The following KCNQ1 variants were observed in gnomAD, a reference collection of about 807,000 sequenced individuals.
KCNQ1 encodes potassium voltage-gated channel subfamily KQT member 1.
A neutral mutation model predicts 72.4 loss-of-function variants in KCNQ1; 49 were observed. The ratio of observed to expected loss-of-function variants is 0.68; its 90% CI spans 0.54 to 0.86. The LOEUF (loss-of-function observed/expected upper bound fraction) is 0.86, where lower values mean the gene tolerates loss of function less well. KCNQ1 is among the 40% of genes least tolerant of loss of function. KCNQ1 has a pLI of 0.00. For missense variants in KCNQ1, 790 were observed against 945.1 expected (o/e 0.84, Z 2.15); for synonymous variants, 450 against 412.6 (o/e 1.09, Z -1.10).
intron 1 of KCNQ1, among the ~76,000 whole-genome samples, chr11:2,518,120 A>G (rs1278372849): frequency 6.6e-6 from 1 of 152,158 alleles, no homozygotes; most frequent in Non-Finnish European, 1.5e-5. Flanking sequence ...CGTGCATCCC[A>G]CGCCTGGCAC....
rs991297114 is a variant in KCNQ1 at position 2,704,320 on chromosome 11, A to T, written c.1514+42239A>T. ...CCCTTCCAACTTGATGGTTTCAGGTACATGGGCCTGTTGTCAACTCTGTTC... is the reference window on the plus strand; with the variant it reads ...CCCTTCCAACTTGATGGTTTCAGGTTCATGGGCCTGTTGTCAACTCTGTTC... On this transcript the variant is annotated intron_variant, in intron 11 of 15. Coordinates refer to ENST00000155840, the MANE Select transcript of KCNQ1 (RefSeq NM_000218.3). The surrounding 1 kb of genome is among the most constrained non-coding windows in gnomAD (Gnocchi z 4.3). Among the ~76,000 whole-genome samples, 1 of 152,206 alleles carries T rather than the reference A, an allele frequency of 6.6e-6. No individual in the cohort carries two copies. The highest frequency in any genetic ancestry group is 6.5e-5 in the Admixed American group (1 of 15,290).
intron 11 of KCNQ1, chr11:2,699,318 C>T (rs919297362): frequency 2.4e-4 from 97 of 398,984 alleles, no homozygotes; most frequent in Non-Finnish European, 7.1e-5. Flanking sequence ...CCGCGGGGCA[C>T]ACAGCTCACC....
Position 2,767,559 on chromosome 11 carries a change from C to T in KCNQ1, c.1515-1285C>T, listed in dbSNP as rs1211641560. Reference sequence around the variant, plus strand: ...AATTGTAGATGCTCGAGGGTATTATCTCCCTACAGATAATTTTATTTTCTT... The same window carrying T: ...AATTGTAGATGCTCGAGGGTATTATTTCCCTACAGATAATTTTATTTTCTT... On this transcript the variant is annotated intron_variant, in intron 11 of 15. Transcript: ENST00000155840. The surrounding 1 kb of genome is among the most constrained non-coding windows in gnomAD (Gnocchi z 4.6). Among the ~76,000 whole-genome samples the T allele has an allele frequency of 6.6e-6, 1 of 152,160 alleles. No homozygotes were observed. The highest frequency in any genetic ancestry group is 1.5e-5 in the Non-Finnish European group (1 of 68,036).
rs1236445338 is a variant in KCNQ1, at chr11:2,803,791, C to A, written c.1794+25754C>A. Among the ~76,000 whole-genome samples the A allele has an allele frequency of 6.6e-6, 1 of 152,152 alleles. No homozygotes were observed. Among genetic ancestry groups the A allele is most frequent in the East Asian group, 1.9e-4 (1 of 5,182 alleles). On this transcript the variant is annotated intron_variant, in intron 15 of 15. Coordinates refer to ENST00000155840, the MANE Select transcript of KCNQ1 (RefSeq NM_000218.3). This position sits in a 1 kb window ranked among gnomAD's most constrained non-coding sequence, Gnocchi z 6.4. ...CCCCACTTCCCTCCTCCCCTCTCAT[C>A]CCCACCTCGGGCCCACCAGCTCCCA...
Position 2,668,456 on chromosome 11 carries a change from G to C in KCNQ1, c.1514+6375G>C, listed in dbSNP as rs1850123288. 7.5e-6 allele frequency: 3 copies of C among 398,416 alleles called. No individual in the cohort carries two copies. The Admixed American group carries it at 1.3e-4, about 18-fold the overall frequency. 24.7% of individuals were successfully genotyped at this position (398,416 alleles called of 1,614,324 possible). On this transcript the variant is annotated intron_variant, in intron 11 of 15. Coordinates refer to ENST00000155840, the MANE Select transcript of KCNQ1 (RefSeq NM_000218.3). This position sits in a 1 kb window ranked among gnomAD's most constrained non-coding sequence, Gnocchi z 4.3. ...CTGGCTGCTCCACATCCTAACACTT[G>C]GCATTTTCCGTCGTTTCCTTTTCAG...
In KCNQ1 at chr11:2,482,946, T is replaced by C. The variant is rs1846676045; in HGVS notation, c.386+37462T>C. Among the ~76,000 whole-genome samples the C allele has an allele frequency of 6.6e-6, 1 of 152,066 alleles. No homozygotes were observed. On this transcript the variant is annotated intron_variant, in intron 1 of 15. Coordinates refer to ENST00000155840, the MANE Select transcript of KCNQ1 (RefSeq NM_000218.3). The surrounding 1 kb of genome is among the most constrained non-coding windows in gnomAD (Gnocchi z 5.7). ...GTCATGGACCGGCATGGCGTGGTAA[T>C]GCATGGTGCGTGTCTCTTAGCAGTA...
chr11:2,779,999 C>T (rs1419849114), intron 15 of KCNQ1, among the ~76,000 whole-genome samples: 5 of 152,358 alleles, frequency 3.3e-5, no homozygotes, highest in South Asian at 2.1e-4. Flanking sequence ...GCCGGGGCCA[C>T]GAGGATTCTG....
chr11:2,619,211 T>G (rs866037775), intron 10 of KCNQ1: 1 of 398,454 alleles, frequency 2.5e-6, no homozygotes, highest in Non-Finnish European at 4.4e-6. Flanking sequence ...TCCAGTACTA[T>G]GTTGAGTAGT....
rs1273748384 is a variant in KCNQ1, at chr11:2,720,136, A to G, written c.1515-48708A>G. The stretch of plus-strand genomic sequence containing the variant: ...GGGGTTCAGTTCCCAAACCCACTGG[A>G]GGGTTGCAAGGAGACGCTTCTAGTA... On this transcript the variant is annotated intron_variant, in intron 11 of 15. Transcript: ENST00000155840. The surrounding 1 kb of genome is among the most constrained non-coding windows in gnomAD (Gnocchi z 5.1). 6.6e-6 allele frequency among the ~76,000 whole-genome samples: 1 copy of G among 152,176 alleles called. No homozygotes were observed. The highest frequency in any genetic ancestry group is 1.5e-5 in the Non-Finnish European group (1 of 68,028).
Position 2,514,683 on chromosome 11 carries a change from C to T in KCNQ1, c.387-13245C>T, listed in dbSNP as rs564875432. 1.7e-4 allele frequency among the ~76,000 whole-genome samples: 26 copies of T among 152,222 alleles called. 1 individual carries two copies. In the East Asian group the frequency reaches 2.7e-3, roughly 16 times the overall value. ...CTACTAAAAATACAAAAAATTAGCC[C>T]GGCGTGGTGGCGGGCGCCTGTAGTC... On this transcript the variant is annotated intron_variant, in intron 1 of 15. Coordinates refer to ENST00000155840, the MANE Select transcript of KCNQ1 (RefSeq NM_000218.3).
At chr11:2,700,232 T>G (rs1342713230) in intron 11 of KCNQ1, among the ~76,000 whole-genome samples, 1 of 151,830 alleles carries the variant, frequency 6.6e-6, no homozygotes, top group Non-Finnish European at 1.5e-5. Flanking sequence ...TGGCTGGGTG[T>G]GAGGTGGCGC....
Position 2,565,804 on chromosome 11 carries a change from T to C in KCNQ1, c.478-4824T>C, listed in dbSNP as rs1848239001. 6.6e-6 allele frequency among the ~76,000 whole-genome samples: 1 copy of C among 152,232 alleles called. No homozygotes were observed. The highest frequency in any genetic ancestry group is 2.4e-5 in the African/African-American group (1 of 41,472). ...GTCTTTTCTGTTGTTTCTGCGAAGGTGTCTCAGGGAGGGGCAGAACCCATG... is the reference window on the plus strand; with the variant it reads ...GTCTTTTCTGTTGTTTCTGCGAAGGCGTCTCAGGGAGGGGCAGAACCCATG... On this transcript the variant is annotated intron_variant, in intron 2 of 15. Transcript: ENST00000155840. The surrounding 1 kb of genome is among the most constrained non-coding windows in gnomAD (Gnocchi z 5.6).
chr11:2,485,987 A>G (rs777996932), intron 1 of KCNQ1, among the ~76,000 whole-genome samples: 39 of 152,234 alleles, frequency 2.6e-4, no homozygotes, highest in Non-Finnish European at 5.0e-4. Flanking sequence ...TATTGTGAAT[A>G]ATGCTACTAT....
intron 8 of KCNQ1, 38 bp from the exon 9 acceptor site, chr11:2,587,532 C>T (rs1374866424): frequency 1.2e-6 from 2 of 1,612,966 alleles, no homozygotes; most frequent in Non-Finnish European, 1.7e-6. Context: ...CGCCGGGTGG[C>T]TCAGCAGGTG....
At chr11:2,606,233 C>T (rs1164169449) in intron 10 of KCNQ1, among the ~76,000 whole-genome samples, 4 of 152,150 alleles carry the variant, frequency 2.6e-5, no homozygotes, top group South Asian at 2.1e-4. Context: ...TCTCCTGCAG[C>T]CTTACTGAAC....
chr11:2,689,268 C>A (rs780455938), intron 11 of KCNQ1: 4 of 398,624 alleles, frequency 1.0e-5, no homozygotes, highest in Non-Finnish European at 1.3e-5. Context: ...TTCCTATCAG[C>A]CTTTGCACAG....
chr11:2,675,308 C>T, intron 11 of KCNQ1: 1 of 398,518 alleles, frequency 2.5e-6, no homozygotes. Flanking sequence ...CAATATAAAA[C>T]ATGAAAGTGG....
chr11:2,499,721 A>T (rs1301972097), intron 1 of KCNQ1, among the ~76,000 whole-genome samples: 1 of 152,190 alleles, frequency 6.6e-6, no homozygotes, highest in East Asian at 1.9e-4. Flanking sequence ...AGAGACAAAG[A>T]AGGTCATTAC....
At position 2,603,232 on chromosome 11, in the gene KCNQ1, G is replaced by C. The variant is rs1848832082; in HGVS notation, c.1393+14378G>C. ...ATGTTTATATTGTAGTCTATTAAGT[G>C]TGCAATAGCCCCATGTCTAAGAAAA... On this transcript the variant is annotated intron_variant, in intron 10 of 15. Transcript: ENST00000155840. The surrounding 1 kb of genome is among the most constrained non-coding windows in gnomAD (Gnocchi z 4.1). Among the ~76,000 whole-genome samples, 3 of 152,162 alleles carry C rather than the reference G, an allele frequency of 2.0e-5. No homozygotes were observed. The South Asian group carries it at 6.2e-4, about 32-fold the overall frequency.
Sources: allele counts gnomAD v4.1 joint callset (sites outside exome capture counted in the v4.1 genomes callset), GRCh38; gene constraint gnomAD v4.1.1; non-coding constraint Gnocchi (gnomAD v3.1); transcripts MANE v1.5; gene names NCBI Gene and HGNC (gene_info 2026-07-23, HGNC 2026-07-21).